GREB1L: variants seen among roughly 807,000 people sequenced by gnomAD.
The protein encoded by GREB1L is GREB1 like retinoic acid receptor coactivator.
A neutral mutation model predicts 200.8 loss-of-function variants in GREB1L; 17 were observed. The observed-to-expected ratio is 0.08, with a 90% confidence interval of 0.06 to 0.13. The LOEUF (loss-of-function observed/expected upper bound fraction) is 0.13. Ranked by LOEUF, GREB1L falls within the 10% of genes least tolerant of loss-of-function variation. The pLI, the probability that GREB1L is intolerant of heterozygous loss-of-function variation, is 1.00. For synonymous variants in GREB1L, 789 were observed against 893.0 expected (o/e 0.88, Z 2.08); for missense variants, 1,657 against 2,367.7 (o/e 0.70, Z 6.23).
At chr18:21,402,191 T>G (rs2041343529) in intron 6 of GREB1L, among the ~76,000 whole-genome samples, 3 of 152,120 alleles carry the variant, frequency 2.0e-5, no homozygotes, top group Admixed American at 2.0e-4. Flanking sequence ...TATAGATAAG[T>G]GTTTATCCTA....
chr18:21,324,259 A>G (rs1342992763), intron 1 of GREB1L, among the ~76,000 whole-genome samples: 5 of 152,186 alleles, frequency 3.3e-5, no homozygotes, highest in Non-Finnish European at 7.3e-5. Flanking sequence ...ATCTAACTGA[A>G]GCAGTACTGT....
At chr18:21,481,467 G>GTATA (rs1312038987) in intron 17 of GREB1L, among the ~76,000 whole-genome samples, 1 of 103,530 alleles carries the variant, frequency 9.7e-6, no homozygotes, top group African/African-American at 5.1e-5. Context: ...GTGTGTGTGT[G>GTATA]TGTGTGTGTG....
chr18:21,323,553 A>G (rs1167197314), intron 1 of GREB1L, among the ~76,000 whole-genome samples: 2 of 152,168 alleles, frequency 1.3e-5, no homozygotes, highest in African/African-American at 4.8e-5. Flanking sequence ...TTAAAACTGC[A>G]GTGAGCTACT....
intron 19 of GREB1L, among the ~76,000 whole-genome samples, chr18:21,493,877 A>AAAAG (rs2036441107): frequency 6.7e-6 from 1 of 148,846 alleles, no homozygotes; most frequent in Admixed American, 6.7e-5. Flanking sequence ...AAAAAAAAAA[A>AAAAG]AAAAAAAAAA....
intron 21 of GREB1L, among the ~76,000 whole-genome samples, chr18:21,497,256 C>G (rs998729153): frequency 3.3e-5 from 5 of 152,210 alleles, no homozygotes; most frequent in African/African-American, 1.2e-4. Flanking sequence ...ATGGCAGTGC[C>G]TGGCATGAAT....
intron 1 of GREB1L, among the ~76,000 whole-genome samples, chr18:21,334,931 G>A (rs2039162500): frequency 6.6e-6 from 1 of 152,128 alleles, no homozygotes; most frequent in African/African-American, 2.4e-5. Context: ...AATATAGCCA[G>A]TTACAGAAAA....
intron 1 of GREB1L, among the ~76,000 whole-genome samples, chr18:21,274,000 A>G (rs1422985060): frequency 1.3e-5 from 2 of 152,228 alleles, no homozygotes; most frequent in East Asian, 3.8e-4. Context: ...ATATGTAAAT[A>G]CTGTCTTAGT....
chr18:21,429,328 C>G (rs2145053062), intron 7 of GREB1L, among the ~76,000 whole-genome samples: 1 of 136,188 alleles, frequency 7.3e-6, no homozygotes, highest in Admixed American at 7.9e-5. Context: ...CTCTTCCTTT[C>G]CTTTCTTCTT....
intron 1 of GREB1L, among the ~76,000 whole-genome samples, chr18:21,282,949 T>G (rs553203768): frequency 1.3e-5 from 2 of 152,370 alleles, no homozygotes; most frequent in Admixed American, 6.5e-5. Flanking sequence ...ATAAGGTACA[T>G]GTATTGTACG....
rs34861643 is a variant in GREB1L, at chr18:21,253,828, C to CTTT, written c.-120+11452_-120+11454dup. ...TCTTTTGGTAACTTTGACTTCCAGG[C>CTTT]TTTTTTTTTTTTTTTTTTTCCCCTT... On this transcript the variant is annotated intron_variant, in intron 1 of 32. Transcript: ENST00000424526. 2.2e-3 allele frequency among the ~76,000 whole-genome samples: 249 copies of CTTT among 115,784 alleles called. 2 individuals are homozygous for CTTT. Among genetic ancestry groups the CTTT allele is most frequent in the African/African-American group, 7.2e-3 (208 of 28,822 alleles). The allele number at this position is 115,784 out of a possible 152,430, so 76.0% of individuals were successfully genotyped here. A position where few individuals can be genotyped will look rare whatever the true frequency, so the allele number is the denominator to read the frequency against.
chr18:21,306,567 G>A (rs186997127), intron 1 of GREB1L, among the ~76,000 whole-genome samples: 16 of 152,310 alleles, frequency 1.1e-4, no homozygotes, highest in South Asian at 8.3e-4. Context: ...GTCTGAAATC[G>A]TGGTAAGTAC....
At chr18:21,464,830 A>G (rs1422727963) in intron 15 of GREB1L, among the ~76,000 whole-genome samples, 1 of 152,230 alleles carries the variant, frequency 6.6e-6, no homozygotes, top group Non-Finnish European at 1.5e-5. Context: ...ATGATGTGGC[A>G]TCTTACAAAA....
intron 1 of GREB1L, among the ~76,000 whole-genome samples, chr18:21,257,854 C>T (rs1472208112): frequency 6.6e-6 from 1 of 152,194 alleles, no homozygotes; most frequent in Non-Finnish European, 1.5e-5. Flanking sequence ...CCACCTCACA[C>T]ATTGTGCACA....
chr18:21,453,874 G>A (rs555780178), intron 14 of GREB1L, among the ~76,000 whole-genome samples: 2 of 152,310 alleles, frequency 1.3e-5, no homozygotes, highest in East Asian at 3.9e-4. Context: ...TGCTAAAGAG[G>A]AAATATTTAC....
At chr18:21,393,068 C>T (rs1316595575) in intron 4 of GREB1L, among the ~76,000 whole-genome samples, 6 of 152,066 alleles carry the variant, frequency 3.9e-5, no homozygotes, top group Admixed American at 6.6e-5. Context: ...CACTGCACCT[C>T]GCCTCATCCA....
chr18:21,472,719 C>G (rs2035530971), intron 15 of GREB1L, among the ~76,000 whole-genome samples: 1 of 152,106 alleles, frequency 6.6e-6, no homozygotes. Context: ...TTAGCAGCAG[C>G]ATGTTATATA....
At position 21,428,332 on chromosome 18, in the gene GREB1L, C is replaced by CTTTTTTTTTTTTT. The variant is rs59982674; in HGVS notation, c.833-11175_833-11163dup. Reference sequence around the variant, plus strand: ...TTATTTTGGGTTTTTGTCTTTTTGTCTTTTTTTTTTTTTTTTTTTTTTTTT... The same window carrying CTTTTTTTTTTTTT: ...TTATTTTGGGTTTTTGTCTTTTTGTCTTTTTTTTTTTTTTTTTTTTTTTTTTTTTTTTTTTTTT... On this transcript the variant is annotated intron_variant, in intron 7 of 32. Coordinates refer to ENST00000424526, the MANE Select transcript of GREB1L (RefSeq NM_001142966.3). Among the ~76,000 whole-genome samples, 158 of 54,028 alleles carry CTTTTTTTTTTTTT rather than the reference C, an allele frequency of 2.9e-3. 1 individual carries two copies. Among genetic ancestry groups the CTTTTTTTTTTTTT allele is most frequent in the Non-Finnish European group, 4.2e-3 (118 of 27,982 alleles). 35.4% of individuals were successfully genotyped at this position (54,028 alleles called of 152,430 possible).
At chr18:21,344,939 G>A (rs1387560526) in intron 1 of GREB1L, among the ~76,000 whole-genome samples, 2 of 152,056 alleles carry the variant, frequency 1.3e-5, no homozygotes, top group East Asian at 3.9e-4. Context: ...TTATATCTTT[G>A]ACTGCCTTTG....
rs559823504 is a variant in GREB1L at position 21,367,585 on chromosome 18, C to A, written c.-10+1449C>A. ...ATTATTATTAAACCTTTAAAAACAC[C>A]AAAACTTGTTAACTCTAAAAAGTAA... On this transcript the variant is annotated intron_variant, in intron 2 of 32. Transcript: ENST00000424526. 2.8e-3 allele frequency among the ~76,000 whole-genome samples: 423 copies of A among 152,156 alleles called. 2 individuals are homozygous for A. The South Asian group carries it at 0.037, about 13-fold the overall frequency.
Sources: allele counts gnomAD v4.1 joint callset (sites outside exome capture counted in the v4.1 genomes callset), GRCh38; gene constraint gnomAD v4.1.1; transcripts MANE v1.5; gene names NCBI Gene and HGNC (gene_info 2026-07-23, HGNC 2026-07-21).